F12: variants seen among roughly 807,000 people sequenced by gnomAD.
F12 encodes the protein Hageman factor.
In F12, 70 loss-of-function variants were observed where a neutral mutation model predicts 74.8. That is an observed-to-expected ratio of 0.94 (90% confidence interval 0.77 to 1.14). The LOEUF is 1.14. Ranked by LOEUF, F12 falls within the 50% of genes most tolerant of loss-of-function variation. F12 has a pLI of 0.00. For synonymous variants in F12, 373 were observed against 356.4 expected, an observed-to-expected ratio of 1.05 and a Z score of -0.52; for missense variants, 811 against 835.7, an observed-to-expected ratio of 0.97 and a Z score of 0.36.
chr5:177,409,491 T>C lies in F12; in HGVS notation c.37A>G (p.Ser13Gly). ...CTCACCGAAAGTGTTGACTCCAAGC[T>C]CACCAGCAGGAACCCCAGGAGCAGC... The part of the protein sequence containing the change: ...ALLLLGFLLV[S>G]LESTLSIPPW... Residue 13 changes from serine (S) to glycine (G), a missense_variant, in exon 1 of 14, where the codon AGC becomes GGC. By Grantham distance (56) the Ser-to-Gly change is moderately conservative (BLOSUM62 0). Coordinates refer to ENST00000253496, the MANE Select transcript of F12 (RefSeq NM_000505.4). 6.2e-7 allele frequency: 1 copy of C among 1,613,764 alleles called. No individual in the cohort carries two copies. Among genetic ancestry groups the C allele is most frequent in the Non-Finnish European group, 8.5e-7 (1 of 1,179,980 alleles).
At position 177,402,229 on chromosome 5, in the gene F12, C is replaced by T; in HGVS notation, c.*63G>A. 1 of 1,596,566 alleles carries T rather than the reference C, an allele frequency of 6.3e-7. No homozygotes were observed. The highest frequency in any genetic ancestry group is 8.5e-7 in the Non-Finnish European group (1 of 1,171,398). Reference sequence around the variant, plus strand: ...GGGGAATGGGACACAATCTTGCCTTCCATGCCCCAGCCACTCTCTCACTGC... The same window carrying T: ...GGGGAATGGGACACAATCTTGCCTTTCATGCCCCAGCCACTCTCTCACTGC... On this transcript the variant is annotated 3_prime_UTR_variant, in exon 14 of 14. Transcript: ENST00000253496.
In F12 at chr5:177,405,419, G is replaced by A. The variant is rs1193532832; in HGVS notation, c.301C>T (p.His101Tyr). 6.2e-7 allele frequency: 1 copy of A among 1,613,490 alleles called. No individual in the cohort carries two copies. The highest frequency in any genetic ancestry group is 1.3e-5 in the African/African-American group (1 of 74,952). Residue 101 changes from histidine (H) to tyrosine (Y), a missense_variant, in exon 5 of 14, where the codon CAC (histidine) becomes TAC (tyrosine). Transcript: ENST00000253496. ...PKKVKDHCSK[H>Y]SPCQKGGTCV... ...GTCCCTCCTTTCTGGCAGGGGCTGT[G>A]TTTGCTGCAGTGGTCTGAGAGATGG... is the stretch of plus-strand genomic sequence containing the variant.
At chr5:177,403,187 C>A in intron 12 of F12, 67 bp downstream of exon 12, 1 of 1,589,472 alleles carries the variant, frequency 6.3e-7, no homozygotes, top group South Asian at 1.1e-5. Context: ...AAGTCGCGGG[C>A]TTCTTCCGCC....
intron 2 of F12, among the ~76,000 whole-genome samples, chr5:177,406,558 TAGCTGTGTGACCTTGGGTA>T (rs1037170794): frequency 1.3e-5 from 2 of 152,106 alleles, no homozygotes; most frequent in Admixed American, 1.3e-4. Context: ...CACAACCTGC[TAGCTGTGTGACCTTGGGTA>T]AGTCTTCAGT....
chr5:177,404,227 G>C lies in F12; in HGVS notation c.987C>G (p.Thr329=). Residue 329 remains threonine (T), a synonymous_variant, in exon 9 of 14, where the codon ACC becomes ACG. Transcript: ENST00000253496. ...QPAPPKPQPT[T]RTPPQSQTPG... ...GGGTCTGGGACTGAGGCGGGGTCCG[G>C]GTCGTGGGCTGAGGCTTCGGCGGTG... 1 of 1,603,256 alleles carries C rather than the reference G, an allele frequency of 6.2e-7. No individual in the cohort carries two copies. The highest frequency in any genetic ancestry group is 8.5e-7 in the Non-Finnish European group (1 of 1,173,560).
rs1161032270 is a variant in F12, at chr5:177,402,452, G to A, written c.1688C>T (p.Ser563Phe). Residue 563 changes from serine (S) to phenylalanine (F), a missense_variant, in exon 14 of 14, where the codon TCC becomes TTC. Coordinates refer to ENST00000253496, the MANE Select transcript of F12 (RefSeq NM_000505.4). ...EGGTDACQGD[S>F]GGPLVCEDQA... The stretch of plus-strand genomic sequence containing the variant: ...GTCCTCACACACCAGCGGGCCTCCG[G>A]AATCACCCTGGGTCGGAAACACGCA... 1.9e-6 allele frequency: 3 copies of A among 1,606,914 alleles called. No individual in the cohort carries two copies. The highest frequency in any genetic ancestry group is 4.5e-5 in the East Asian group (2 of 44,340).
Position 177,402,459 on chromosome 5 carries a change from C to T in F12, c.1681G>A (p.Gly561Ser), listed in dbSNP as rs767475486. The T allele has an allele frequency of 6.2e-6, 10 of 1,604,900 alleles. No homozygotes were observed. In the East Asian group the frequency reaches 2.3e-4, roughly 36 times the overall value. ...FLEGGTDACQGDSGGPLVCED... is the reference protein window; with the variant it reads ...FLEGGTDACQSDSGGPLVCED... ...CACACCAGCGGGCCTCCGGAATCAC[C>T]CTGGGTCGGAAACACGCAGCTCAGC... Residue 561 changes from glycine (G) to serine (S), a missense_variant and splice_region_variant, in exon 14 of 14, where the codon GGT (glycine) becomes AGT (serine). Gly to Ser is a moderately conservative substitution (Grantham distance 56). Coordinates refer to ENST00000253496, the MANE Select transcript of F12 (RefSeq NM_000505.4).
At chr5:177,402,851 A>T (rs1763173989) in intron 12 of F12, 153 bp from the exon 13 acceptor site, 3 of 1,103,356 alleles carry the variant, frequency 2.7e-6, no homozygotes, top group Non-Finnish European at 4.0e-6. Context: ...ATTCAATTTC[A>T]TAGGCAAGGA....
chr5:177,404,739 T>TAG, intron 7 of F12, 71 bp downstream of exon 7: 4 of 1,594,892 alleles, frequency 2.5e-6, no homozygotes, highest in Non-Finnish European at 3.4e-6. Context: ...TTCCGCACTC[T>TAG]CCCTCCTCCT....
At position 177,403,587 on chromosome 5, in the gene F12, G is replaced by A. The variant is rs747715876; in HGVS notation, c.1281C>T (p.Leu427=). 63 of 1,605,328 alleles carry A rather than the reference G, an allele frequency of 3.9e-5. No individual in the cohort carries two copies. Among genetic ancestry groups the A allele is most frequent in the Non-Finnish European group, 5.0e-5 (59 of 1,178,918 alleles). ...AGCTGTGGTTACGGCGTTCCTGGCC[G>A]AGCACCACCGTCAGATCCTCGGGTG... ...RPAPEDLTVV[L]GQERRNHSCE... is the part of the protein sequence containing the mutation. Residue 427 remains leucine (L), a synonymous_variant, in exon 11 of 14, where the codon CTC becomes CTT. Coordinates refer to ENST00000253496, the MANE Select transcript of F12 (RefSeq NM_000505.4).
intron 13 of F12, 24 bp downstream of exon 13, chr5:177,402,526 G>C (rs747972214): frequency 1.2e-6 from 2 of 1,605,466 alleles, no homozygotes; most frequent in Non-Finnish European, 1.7e-6. Context: ...TCGGGGAAGG[G>C]CGCCAACCGG....
At position 177,402,669 on chromosome 5, in the gene F12, C is replaced by T. The variant is rs201946800; in HGVS notation, c.1561G>A (p.Glu521Lys). Residue 521 changes from glutamate to lysine, a missense_variant, in exon 13 of 14, where the codon GAG (glutamate) becomes AAG (lysine). By Grantham distance (56) the Glu-to-Lys change is moderately conservative. Coordinates refer to ENST00000253496, the MANE Select transcript of F12 (RefSeq NM_000505.4). ...AGGGAGAGGAACGGTACCTGCGCCT[C>T]CTGCAGGAAGCTGGCATATTCCTCC... The part of the protein sequence containing the change: ...GAEEYASFLQ[E>K]AQVPFLSLER... 10 of 1,612,474 alleles carry T rather than the reference C, an allele frequency of 6.2e-6. No individual in the cohort carries two copies. The East Asian group carries it at 2.0e-4, about 32-fold the overall frequency.
intron 12 of F12, 94 bp from the exon 13 acceptor site, chr5:177,402,792 C>A: frequency 6.5e-7 from 1 of 1,533,180 alleles, no homozygotes; most frequent in Non-Finnish European, 8.9e-7. Flanking sequence ...TAAACCCACT[C>A]ATGCCCTTCC....
chr5:177,403,503 G>C lies in F12; in HGVS notation c.1365C>G (p.Pro455=), dbSNP rs948814716. 3 of 1,571,312 alleles carry C rather than the reference G, an allele frequency of 1.9e-6. No individual in the cohort carries two copies. The highest frequency in any genetic ancestry group is 2.6e-6 in the Non-Finnish European group (3 of 1,162,624). Residue 455 remains proline, a synonymous_variant, in exon 11 of 14, where the codon CCC becomes CCG. Transcript: ENST00000253496. The part of the protein sequence containing the change: ...RSYRLHEAFS[P]VSYQHDLALL... ...CACCCAGGTCGTGCTGGTAGCTGAC[G>C]GGCGAGAAGGCCTCGTGCAAGCGGT...
Position 177,404,203 on chromosome 5 carries a change from G to A in F12, c.1011C>T (p.Thr337=). Residue 337 remains threonine (T), a synonymous_variant, in exon 9 of 14, where the codon ACC becomes ACT. Transcript: ENST00000253496. The part of the protein sequence containing the change: ...PTTRTPPQSQ[T]PGALPAKREQ... Reference sequence around the variant, plus strand: ...CCCCCCCCACTTCCTAACCTCCCGGGGTCTGGGACTGAGGCGGGGTCCGGG... The same window carrying A: ...CCCCCCCCACTTCCTAACCTCCCGGAGTCTGGGACTGAGGCGGGGTCCGGG... 2 of 1,602,728 alleles carry A rather than the reference G, an allele frequency of 1.2e-6. No homozygotes were observed.
intron 12 of F12, 162 bp from the exon 13 acceptor site, chr5:177,402,860 G>A (rs1763174165): frequency 2.0e-6 from 2 of 1,014,010 alleles, no homozygotes; most frequent in African/African-American, 1.6e-5. Flanking sequence ...CATAGGCAAG[G>A]AGGCTGAGGT....
Position 177,403,873 on chromosome 5 carries a change from G to C in F12, c.1236C>G (p.His412Gln). The stretch of plus-strand genomic sequence containing the variant: ...CGGGTACTCGCCGGTCCTGCAGGCA[G>C]TGAGCGGCCGTCAGCACCCAGCAGG... Reference protein sequence around the residue: ...IAPCWVLTAAHCLQDRPAPED... With the variant: ...IAPCWVLTAAQCLQDRPAPED... The change falls in exon 10 of 14, where the codon CAC becomes CAG. Residue 412 changes from histidine to glutamine, a missense_variant. Physicochemically the swap from His to Gln is conservative, Grantham distance 24. Coordinates refer to ENST00000253496, the MANE Select transcript of F12 (RefSeq NM_000505.4). The C allele has an allele frequency of 6.4e-7, 1 of 1,554,606 alleles. No homozygotes were observed. The highest frequency in any genetic ancestry group is 8.7e-7 in the Non-Finnish European group (1 of 1,153,134).
In F12 at chr5:177,404,506, A is replaced by G; in HGVS notation, c.793T>C (p.Phe265Leu). The change falls in exon 8 of 14, where the codon TTC becomes CTC. Residue 265 changes from phenylalanine (F) to leucine (L), a missense_variant. Coordinates refer to ENST00000253496, the MANE Select transcript of F12 (RefSeq NM_000505.4). ...ARNWGLGGHAFCRNPDNDIRP... is the reference protein window; with the variant it reads ...ARNWGLGGHALCRNPDNDIRP... ...CAGCCCCACGCGGCGCACCGGCAGA[A>G]GGCGTGGCCGCCCAGTCCCCAGTTC... The G allele has an allele frequency of 1.9e-6, 3 of 1,592,590 alleles. No individual in the cohort carries two copies. Among genetic ancestry groups the G allele is most frequent in the Non-Finnish European group, 2.6e-6 (3 of 1,169,984 alleles).
intron 1 of F12, among the ~76,000 whole-genome samples, 173 bp from the exon 2 acceptor site, chr5:177,409,276 G>A (rs898428451): frequency 6.6e-6 from 1 of 151,932 alleles, no homozygotes; most frequent in African/African-American, 2.4e-5. Context: ...CCCCAGAAAT[G>A]CAGGCTGTGC....
Sources: gnomAD v4.1 joint callset for allele counts (sites outside exome capture counted in the v4.1 genomes callset) on GRCh38, gnomAD v4.1.1 for gene constraint, MANE v1.5 for transcripts, NCBI Gene and HGNC (gene_info 2026-07-23, HGNC 2026-07-21) for gene names.